The following DENND1A variants were observed in gnomAD, a reference collection of about 807,000 sequenced individuals.
The protein encoded by DENND1A is DENN domain-containing protein 1A.
In DENND1A, 51 loss-of-function variants were observed where a neutral mutation model predicts 113.7. The observed-to-expected ratio is 0.45, with a 90% CI of 0.36 to 0.57. The LOEUF (loss-of-function observed/expected upper bound fraction) is 0.57. Among genes scored for constraint, DENND1A ranks in the 20% least tolerant of loss-of-function variants. The pLI is 0.00. For missense variants in DENND1A, 1,258 were observed against 1,395.9 expected, an observed-to-expected ratio of 0.90 and a Z score of 1.57; for synonymous variants, 565 against 570.8, an observed-to-expected ratio of 0.99 and a Z score of 0.14.
At chr9:123,716,918 C>G (rs1325553582) in intron 5 of DENND1A, among the ~76,000 whole-genome samples, 1 of 152,132 alleles carries the variant, frequency 6.6e-6, no homozygotes, top group African/African-American at 2.4e-5. Context: ...CTTACTATAA[C>G]CACATGAACC....
In DENND1A at chr9:123,527,068, T is replaced by C. The variant is rs1588989037; in HGVS notation, c.993+30502A>G. On this transcript the variant is annotated intron_variant, in intron 13 of 23. Transcript: ENST00000394215. ...GTGGGTGGGAATAGCCTCACCCAGT[T>C]ACCTGGGTTGGTCTTGTTTTACTTT... 2.0e-5 allele frequency among the ~76,000 whole-genome samples: 3 copies of C among 152,328 alleles called. No individual in the cohort carries two copies. In the South Asian group the frequency reaches 6.2e-4, roughly 32 times the overall value.
intron 13 of DENND1A, among the ~76,000 whole-genome samples, chr9:123,489,701 G>C (rs950579874): frequency 2.0e-5 from 3 of 152,226 alleles, no homozygotes; most frequent in African/African-American, 7.2e-5. Context: ...CAGGTGGCTT[G>C]GGAGTGGGGC....
chr9:123,410,468 C>T (rs192672417), intron 20 of DENND1A, among the ~76,000 whole-genome samples: 2 of 152,176 alleles, frequency 1.3e-5, no homozygotes, highest in Admixed American at 6.5e-5. Flanking sequence ...GATGGAGATA[C>T]GGGATGGATC....
chr9:123,382,875 C>T (rs547161663), intron 23 of DENND1A, among the ~76,000 whole-genome samples: 14 of 152,346 alleles, frequency 9.2e-5, no homozygotes, highest in Non-Finnish European at 1.9e-4. Flanking sequence ...TGGCGGTTGC[C>T]AAGGAGTTTT....
chr9:123,485,339 T>C (rs979660632), intron 13 of DENND1A, among the ~76,000 whole-genome samples: 1 of 152,198 alleles, frequency 6.6e-6, no homozygotes. Context: ...GCAATCTACC[T>C]GGGCAAGGTA....
chr9:123,676,885 T>C lies in DENND1A; in HGVS notation c.303-96A>G. 7 of 1,172,964 alleles carry C rather than the reference T, an allele frequency of 6.0e-6. No individual in the cohort carries two copies. The South Asian group carries it at 7.4e-5, about 12-fold the overall frequency. The allele number at this position is 1,172,964 out of a possible 1,614,324, so 72.7% of individuals were successfully genotyped here. A position where few individuals can be genotyped will look rare whatever the true frequency, so the allele number is the denominator to read the frequency against. On this transcript the variant is annotated intron_variant, in intron 5 of 23. Transcript: ENST00000394215. ...AGACTGATACATTTCAGTTTTGCTC[T>C]ACATCCTGAAGAGTCTTCCTGTCAC... is the stretch of plus-strand genomic sequence containing the variant.
chr9:123,487,450 G>A (rs180773134), intron 13 of DENND1A, among the ~76,000 whole-genome samples: 41 of 152,296 alleles, frequency 2.7e-4, no homozygotes, highest in African/African-American at 9.6e-4. Flanking sequence ...TACGAGCCAA[G>A]GTCACAGTTC....
intron 11 of DENND1A, among the ~76,000 whole-genome samples, chr9:123,587,605 G>A (rs188979833): frequency 1.3e-3 from 195 of 152,274 alleles, no homozygotes; most frequent in Admixed American, 3.1e-3. Flanking sequence ...CACAAGGGTC[G>A]TATTCCATTC....
At chr9:123,802,438 G>A in intron 2 of DENND1A, among the ~76,000 whole-genome samples, 1 of 590 alleles carries the variant, frequency 1.7e-3, no homozygotes, top group Admixed American at 0.013. Context: ...CTAATTCCAG[G>A]GTTATTCCTC....
At chr9:123,493,123 T>G (rs2051533864) in intron 13 of DENND1A, 1 of 152,368 alleles carries the variant, frequency 6.6e-6, no homozygotes, top group East Asian at 1.9e-4. Flanking sequence ...TCAGGCTCCT[T>G]GCAAGAGCTG....
At chr9:123,855,090 A>G (rs1223416788) in intron 2 of DENND1A, among the ~76,000 whole-genome samples, 7 of 151,368 alleles carry the variant, frequency 4.6e-5, no homozygotes, top group Non-Finnish European at 1.5e-5. Context: ...CAAAAGCCTC[A>G]CAAACAACTG....
rs2042246620 is a variant in DENND1A at position 123,381,116 on chromosome 9, C to T, written c.*316G>A. 3.0e-6 allele frequency: 1 copy of T among 338,664 alleles called. No homozygotes were observed. The highest frequency in any genetic ancestry group is 2.2e-5 in the African/African-American group (1 of 46,150). 21.0% of individuals were successfully genotyped at this position (338,664 alleles called of 1,614,324 possible). ...CACTTCCGGGGGAAGGTGGGTAGGA[C>T]TCGGTCTGGAGCAATATCATTGGCC... is the stretch of plus-strand genomic sequence containing the variant. On this transcript the variant is annotated 3_prime_UTR_variant, in exon 24 of 24. Transcript: ENST00000394215. This position sits in a 1 kb window ranked among gnomAD's most constrained non-coding sequence, Gnocchi z 4.7.
intron 13 of DENND1A, among the ~76,000 whole-genome samples, chr9:123,467,884 TCTC>T (rs1325607440): frequency 1.3e-5 from 2 of 152,034 alleles, no homozygotes; most frequent in African/African-American, 2.4e-5. Flanking sequence ...CACACACACA[TCTC>T]CTCCTGCAGA....
At chr9:123,390,411 G>A (rs778563761) in intron 21 of DENND1A, among the ~76,000 whole-genome samples, 4 of 152,228 alleles carry the variant, frequency 2.6e-5, no homozygotes, top group Non-Finnish European at 5.9e-5. Flanking sequence ...AGAATGGGAC[G>A]ATGTTTGAAG....
chr9:123,622,996 C>T (rs2061030217), intron 10 of DENND1A, among the ~76,000 whole-genome samples: 1 of 152,182 alleles, frequency 6.6e-6, no homozygotes, highest in Non-Finnish European at 1.5e-5. Context: ...AGAAAGGAAC[C>T]AGCAGCACAT....
chr9:123,413,677 C>G, intron 19 of DENND1A: 1 of 985,478 alleles, frequency 1.0e-6, no homozygotes, highest in Non-Finnish European at 1.2e-6. Flanking sequence ...AGATCCTATG[C>G]CATTAGCTGG....
At chr9:123,712,217 T>A (rs1238853978) in intron 5 of DENND1A, among the ~76,000 whole-genome samples, 1 of 152,202 alleles carries the variant, frequency 6.6e-6, no homozygotes, top group African/African-American at 2.4e-5. Context: ...ATCTTTAATC[T>A]TCATACTCTC....
At chr9:123,425,273 T>C (rs1226091869) in intron 19 of DENND1A, among the ~76,000 whole-genome samples, 1 of 152,222 alleles carries the variant, frequency 6.6e-6, no homozygotes, top group Admixed American at 6.5e-5. Flanking sequence ...GGGCTCAATA[T>C]CTCCCCGGCA....
intron 5 of DENND1A, among the ~76,000 whole-genome samples, chr9:123,734,549 T>C (rs1311788596): frequency 6.6e-6 from 1 of 152,044 alleles, no homozygotes; most frequent in Non-Finnish European, 1.5e-5. Context: ...GGCACCAAGT[T>C]TGGGATGGGG....
Sources: allele counts gnomAD v4.1 joint callset (sites outside exome capture counted in the v4.1 genomes callset), GRCh38; gene constraint gnomAD v4.1.1; non-coding constraint Gnocchi (gnomAD v3.1); transcripts MANE v1.5; gene names NCBI Gene and HGNC (gene_info 2026-07-23, HGNC 2026-07-21).